Variants in FOXO3 observed in about 807,000 individuals in gnomAD.
The protein encoded by FOXO3 is forkhead box protein O3.
FOXO3 carries 4 observed loss-of-function variants against 41.9 expected under a neutral mutation model. The ratio of observed to expected loss-of-function variants is 0.10; its 90% CI spans 0.05 to 0.22. The LOEUF is 0.22. Ranked by LOEUF, FOXO3 falls within the 10% of genes least tolerant of loss-of-function variation. FOXO3 has a pLI of 1.00. For synonymous variants in FOXO3, 318 were observed against 389.3 expected, an observed-to-expected ratio of 0.82 and a Z score of 2.16; for missense variants, 534 against 906.8, an observed-to-expected ratio of 0.59 and a Z score of 5.28.
At chr6:108,650,883 C>T (rs1778530870) in intron 1 of FOXO3, among the ~76,000 whole-genome samples, 1 of 152,066 alleles carries the variant, frequency 6.6e-6, no homozygotes, top group Admixed American at 6.5e-5. Flanking sequence ...GTAATTAGCA[C>T]CCAGGAGTGT....
chr6:108,650,595 C>A, intron 1 of FOXO3, among the ~76,000 whole-genome samples: 1 of 152,322 alleles, frequency 6.6e-6, no homozygotes, highest in East Asian at 1.9e-4. Flanking sequence ...CAATAAAATA[C>A]TGCATTTCTG....
chr6:108,582,099 A>G (rs534741642), intron 1 of FOXO3, among the ~76,000 whole-genome samples: 3 of 152,242 alleles, frequency 2.0e-5, no homozygotes, highest in Non-Finnish European at 1.5e-5. Flanking sequence ...TAACTGTCAT[A>G]TAGGGACAAC....
chr6:108,574,344 G>A (rs973338374), intron 1 of FOXO3, among the ~76,000 whole-genome samples: 24 of 152,008 alleles, frequency 1.6e-4, no homozygotes, highest in African/African-American at 5.6e-4. Flanking sequence ...ATAGAGTGAC[G>A]CATGGTAGGT....
intron 1 of FOXO3, among the ~76,000 whole-genome samples, chr6:108,635,243 G>A (rs113696917): frequency 3.9e-5 from 6 of 151,904 alleles, no homozygotes; most frequent in Admixed American, 2.0e-4. Context: ...TGCAGTGAGC[G>A]GAGATCACAC....
At chr6:108,665,261 G>A (rs375285980) in intron 2 of FOXO3, among the ~76,000 whole-genome samples, 7 of 152,320 alleles carry the variant, frequency 4.6e-5, no homozygotes, top group African/African-American at 7.2e-5. Flanking sequence ...AGCTTGGGTC[G>A]TACTTCAGGG....
intron 2 of FOXO3, among the ~76,000 whole-genome samples, chr6:108,666,300 G>A (rs1366439605): frequency 6.6e-6 from 1 of 152,036 alleles, no homozygotes; most frequent in Non-Finnish European, 1.5e-5. Context: ...GTTTGCCCAA[G>A]GTTACAGAGC....
At chr6:108,582,705 T>C (rs1776465897) in intron 1 of FOXO3, among the ~76,000 whole-genome samples, 1 of 152,072 alleles carries the variant, frequency 6.6e-6, no homozygotes. Flanking sequence ...CTCTTGTTTT[T>C]GAGTGTGTAG....
intron 1 of FOXO3, among the ~76,000 whole-genome samples, chr6:108,578,842 T>G (rs1776332561): frequency 6.6e-6 from 1 of 152,050 alleles, no homozygotes; most frequent in Non-Finnish European, 1.5e-5. Context: ...CGTGATGAAG[T>G]CAGAGGTAAG....
intron 1 of FOXO3, among the ~76,000 whole-genome samples, chr6:108,582,989 A>C (rs1489520923): frequency 6.6e-6 from 1 of 152,204 alleles, no homozygotes; most frequent in Non-Finnish European, 1.5e-5. Flanking sequence ...CCTGAAACGC[A>C]GTGCCTTGGA....
chr6:108,633,470 A>G (rs1778032014), intron 1 of FOXO3, among the ~76,000 whole-genome samples: 1 of 152,212 alleles, frequency 6.6e-6, no homozygotes, highest in African/African-American at 2.4e-5. Context: ...ACTACTGAGT[A>G]AAATTCTGGG....
rs1162731175 is a variant in FOXO3 at position 108,561,605 on chromosome 6, C to T, written c.397C>T (p.Leu133=). 14 of 1,525,892 alleles carry T rather than the reference C, an allele frequency of 9.2e-6. No individual in the cohort carries two copies. Among genetic ancestry groups the T allele is most frequent in the South Asian group, 8.6e-5 (7 of 81,510 alleles). The allele number at this position is 1,525,892 out of a possible 1,614,324, so 94.5% of individuals were successfully genotyped here. A position where few individuals can be genotyped will look rare whatever the true frequency, so the allele number is the denominator to read the frequency against. The change falls in exon 1 of 3, where the codon CTG becomes TTG. Residue 133 remains leucine (L), a synonymous_variant. Transcript: ENST00000406360. ...TQALLQPQQP[L]PPPQPGAAGG... is the part of the protein sequence containing the mutation. Reference sequence around the variant, plus strand: ...GGCGCTGCTGCAGCCTCAGCAACCGCTGCCACCGCCGCAGCCGGGGGCGGC... The same window carrying T: ...GGCGCTGCTGCAGCCTCAGCAACCGTTGCCACCGCCGCAGCCGGGGGCGGC...
At chr6:108,654,904 A>T (rs1479038938) in intron 1 of FOXO3, among the ~76,000 whole-genome samples, 1 of 152,210 alleles carries the variant, frequency 6.6e-6, no homozygotes, top group Non-Finnish European at 1.5e-5. Context: ...CTGGTATTAT[A>T]TATGACGTAA....
intron 1 of FOXO3, among the ~76,000 whole-genome samples, chr6:108,625,017 A>C (rs913388579): frequency 1.3e-5 from 2 of 152,114 alleles, no homozygotes; most frequent in African/African-American, 2.4e-5. Flanking sequence ...CATGGGCTCA[A>C]ATGATCCTCT....
chr6:108,683,003 C>A lies in FOXO3; in HGVS notation c.*3211C>A, dbSNP rs537857058. 7 of 152,808 alleles carry A rather than the reference C, an allele frequency of 4.6e-5. No homozygotes were observed. The highest frequency in any genetic ancestry group is 1.7e-4 in the African/African-American group (7 of 41,602). The allele number at this position is 152,808 out of a possible 1,614,324, so 9.5% of individuals were successfully genotyped here. ...GAAAGAGCTTTATCACAAGCCTTCA[C>A]TGTCCTGGCATGAGAACTGGCTGCC... On this transcript the variant is annotated 3_prime_UTR_variant, in exon 3 of 3. Coordinates refer to ENST00000406360, the MANE Select transcript of FOXO3 (RefSeq NM_001455.4).
intron 1 of FOXO3, among the ~76,000 whole-genome samples, chr6:108,609,240 T>A (rs2128368794): frequency 6.6e-6 from 1 of 152,300 alleles, no homozygotes; most frequent in Non-Finnish European, 1.5e-5. Context: ...CCCAAATAAA[T>A]GGTGAATTGT....
rs115283616 is a variant in FOXO3, at chr6:108,618,860, C to A, written c.622-44595C>A. ...GCCCTTCCAATTCTAGCCGTTTTGG[C>A]CTCCTTGAATGTGGCTTCTCTGATT... is the stretch of plus-strand genomic sequence containing the variant. On this transcript the variant is annotated intron_variant, in intron 1 of 2. Coordinates refer to ENST00000406360, the MANE Select transcript of FOXO3 (RefSeq NM_001455.4). 3.0e-3 allele frequency among the ~76,000 whole-genome samples: 459 copies of A among 152,272 alleles called. 3 individuals are homozygous for A. The highest frequency in any genetic ancestry group is 0.011 in the African/African-American group (442 of 41,542).
chr6:108,596,382 GAAAAAAAAAAAAA>G (rs61683111), intron 1 of FOXO3, among the ~76,000 whole-genome samples: 2 of 58,294 alleles, frequency 3.4e-5, no homozygotes, highest in African/African-American at 5.6e-5. Flanking sequence ...TGGCCTAAAT[GAAAAAAAAAAAAA>G]AAAAAAAAAA....
chr6:108,564,793 T>C (rs1356803494), intron 1 of FOXO3, among the ~76,000 whole-genome samples: 1 of 151,866 alleles, frequency 6.6e-6, no homozygotes, highest in African/African-American at 2.4e-5. Context: ...GTGTTTTGTT[T>C]TTTTTTTTCA....
At chr6:108,655,524 C>T (rs1374376185) in intron 1 of FOXO3, among the ~76,000 whole-genome samples, 1 of 152,132 alleles carries the variant, frequency 6.6e-6, no homozygotes, top group Non-Finnish European at 1.5e-5. Context: ...TTAGAATAAT[C>T]TGGGGAGCTG....
Sources: gnomAD v4.1 joint callset for allele counts (sites outside exome capture counted in the v4.1 genomes callset) on GRCh38, gnomAD v4.1.1 for gene constraint, MANE v1.5 for transcripts, NCBI Gene and HGNC (gene_info 2026-07-23, HGNC 2026-07-21) for gene names.